Variants in PRKN observed in about 807,000 individuals in gnomAD.
PRKN encodes parkin RBR E3 ubiquitin protein ligase.
Under a neutral mutation model 59.5 loss-of-function variants are expected in PRKN, and 56 were observed. The ratio of observed to expected loss-of-function variants is 0.94; its 90% CI spans 0.76 to 1.18. The LOEUF (loss-of-function observed/expected upper bound fraction) is 1.18, where lower values mean the gene tolerates loss of function less well. Among genes scored for constraint, PRKN ranks in the 50% most tolerant of loss-of-function variants. The pLI is 0.00. For missense variants in PRKN, 657 were observed against 596.4 expected (o/e 1.10, Z -1.06); for synonymous variants, 250 against 222.1 (o/e 1.13, Z -1.12).
chr6:162,338,300 CCT>C (rs777313027), intron 2 of PRKN, among the ~76,000 whole-genome samples: 1 of 152,330 alleles, frequency 6.6e-6, no homozygotes, highest in Non-Finnish European at 1.5e-5. Flanking sequence ...CCACGGTCTC[CCT>C]CTCATGCGGA....
At chr6:162,361,156 T>G (rs1785114721) in intron 2 of PRKN, among the ~76,000 whole-genome samples, 1 of 152,034 alleles carries the variant, frequency 6.6e-6, no homozygotes. Flanking sequence ...CTTGTAAACA[T>G]CAGTCAAGTT....
intron 7 of PRKN, among the ~76,000 whole-genome samples, chr6:161,777,916 A>ATATG (rs1205458667): frequency 4.7e-5 from 7 of 148,312 alleles, no homozygotes; most frequent in African/African-American, 1.7e-4. Flanking sequence ...ATGTGTATAT[A>ATATG]TATGTATGTA....
chr6:162,589,148 C>T (rs567193939), intron 1 of PRKN, among the ~76,000 whole-genome samples: 25 of 152,256 alleles, frequency 1.6e-4, no homozygotes, highest in Non-Finnish European at 3.4e-4. Flanking sequence ...TATCTTATTA[C>T]AAATTTTAGT....
chr6:162,317,309 A>T lies in PRKN; in HGVS notation c.172-54544T>A, dbSNP rs548378540. Among the ~76,000 whole-genome samples the T allele has an allele frequency of 1.0e-3, 153 of 152,116 alleles. 1 individual carries two copies. Among genetic ancestry groups the T allele is most frequent in the African/African-American group, 3.4e-3 (141 of 41,504 alleles). On this transcript the variant is annotated intron_variant, in intron 2 of 11. Transcript: ENST00000366898. ...CCCATGGTAGTGAATAAGTCTCAAG[A>T]GATACGACTGTTTTATAAATGTGAG...
intron 6 of PRKN, among the ~76,000 whole-genome samples, chr6:161,900,624 T>C (rs1317721191): frequency 9.5e-6 from 1 of 104,784 alleles, no homozygotes; most frequent in African/African-American, 3.6e-5. Flanking sequence ...TAGTATATAC[T>C]ATAATATACT....
At chr6:161,624,238 T>C (rs1359350061) in intron 7 of PRKN, among the ~76,000 whole-genome samples, 2 of 152,208 alleles carry the variant, frequency 1.3e-5, no homozygotes, top group African/African-American at 4.8e-5. Context: ...TAAAATTCAT[T>C]AGTGGCGCCA....
chr6:162,145,277 T>C (rs1472044415), intron 4 of PRKN, among the ~76,000 whole-genome samples: 2 of 152,180 alleles, frequency 1.3e-5, no homozygotes, highest in African/African-American at 2.4e-5. Context: ...TTCGTACCAG[T>C]GTTCAAACAG....
intron 6 of PRKN, among the ~76,000 whole-genome samples, chr6:161,884,220 T>TCATGTTTTTATGTACATTAG (rs1466233979): frequency 6.6e-6 from 1 of 152,152 alleles, no homozygotes; most frequent in African/African-American, 2.4e-5. Flanking sequence ...AAGAAACAGC[T>TCATGTTTTTATGTACATTAG]CATGTTTTTA....
At chr6:162,696,858 T>TA (rs1245432256) in intron 1 of PRKN, among the ~76,000 whole-genome samples, 1 of 152,064 alleles carries the variant, frequency 6.6e-6, no homozygotes, top group East Asian at 1.9e-4. Flanking sequence ...GAAGAACTTT[T>TA]AAAAAACAAA....
rs183303972 is a variant in PRKN, at chr6:162,656,162, G to A, written c.7+71500C>T. On this transcript the variant is annotated intron_variant, in intron 1 of 11. Coordinates refer to ENST00000366898, the MANE Select transcript of PRKN (RefSeq NM_004562.3). ...TAGGTGGCATTCGCTAACAAGAGCAGTTACAGAAACATTCTCTCTACTGGC... is the reference window on the plus strand; with the variant it reads ...TAGGTGGCATTCGCTAACAAGAGCAATTACAGAAACATTCTCTCTACTGGC... Among the ~76,000 whole-genome samples the A allele has an allele frequency of 1.1e-4, 17 of 152,296 alleles. No individual in the cohort carries two copies. In the East Asian group the frequency reaches 3.1e-3, roughly 28 times the overall value.
chr6:162,723,801 T>C (rs572764241), intron 1 of PRKN, among the ~76,000 whole-genome samples: 53 of 152,356 alleles, frequency 3.5e-4, no homozygotes, highest in African/African-American at 1.1e-3. Flanking sequence ...TGAGTGCTTA[T>C]TTATTGGTAA....
intron 7 of PRKN, among the ~76,000 whole-genome samples, chr6:161,673,123 C>T (rs929342803): frequency 5.3e-5 from 8 of 152,170 alleles, no homozygotes; most frequent in African/African-American, 1.4e-4. Context: ...CGGCCCGGCA[C>T]TCCCCTGAGG....
At position 161,593,843 on chromosome 6, in the gene PRKN, G is replaced by C. The variant is rs991700688; in HGVS notation, c.872-24427C>G. ...GTCATGATGCTCAGGGGTCAAATAG[G>C]TGGAGGTGATAGAATTGACTGCTGG... On this transcript the variant is annotated intron_variant, in intron 7 of 11. Transcript: ENST00000366898. This position sits in a 1 kb window ranked among gnomAD's most constrained non-coding sequence, Gnocchi z 4.8. 2.0e-5 allele frequency among the ~76,000 whole-genome samples: 3 copies of C among 152,090 alleles called. No homozygotes were observed. The highest frequency in any genetic ancestry group is 2.0e-4 in the Admixed American group (3 of 15,270).
chr6:162,573,008 G>T (rs1374946062), intron 1 of PRKN, among the ~76,000 whole-genome samples: 1 of 152,098 alleles, frequency 6.6e-6, no homozygotes, highest in Non-Finnish European at 1.5e-5. Context: ...AATCTTAATT[G>T]CCAGACATAC....
intron 9 of PRKN, among the ~76,000 whole-genome samples, chr6:161,490,331 TGCTTGCTTTCTC>T (rs746511919): frequency 1.8e-5 from 2 of 113,532 alleles, no homozygotes; most frequent in South Asian, 3.1e-4. Flanking sequence ...CTTGCTTGCT[TGCTTGCTTTCTC>T]TCTCTCTCTC....
At chr6:162,475,970 T>TCCA (rs10660801) in intron 1 of PRKN, among the ~76,000 whole-genome samples, 1 of 151,084 alleles carries the variant, frequency 6.6e-6, no homozygotes, top group Admixed American at 6.6e-5. Context: ...CAGGATGGTC[T>TCCA]TGTTCTCACC....
At chr6:162,065,013 T>G (rs7744806) in intron 4 of PRKN, among the ~76,000 whole-genome samples, 126,697 of 152,246 alleles carry the variant, frequency 0.83, 52,911 homozygotes, top group African/African-American at 0.88. Context: ...TCTGGCAGAA[T>G]ATGGTTGAAT....
intron 2 of PRKN, among the ~76,000 whole-genome samples, chr6:162,375,137 T>A (rs1227064015): frequency 6.6e-6 from 1 of 152,148 alleles, no homozygotes; most frequent in African/African-American, 2.4e-5. Context: ...TTATAATGAC[T>A]GTCCCATTTA....
chr6:161,670,519 A>G lies in PRKN; in HGVS notation c.872-101103T>C, dbSNP rs575498087. Among the ~76,000 whole-genome samples, 121 of 152,152 alleles carry G rather than the reference A, an allele frequency of 8.0e-4. 2 individuals are homozygous for G. The South Asian group carries it at 0.024, about 30-fold the overall frequency. ...GTCTTTGTGTCCCTTCTCTTCTTAT[A>G]AAATACACCAGTCAAGCTGGGCGCA... On this transcript the variant is annotated intron_variant, in intron 7 of 11. Transcript: ENST00000366898.
Sources: gnomAD v4.1 joint callset for allele counts (sites outside exome capture counted in the v4.1 genomes callset) on GRCh38, gnomAD v4.1.1 for gene constraint, Gnocchi (gnomAD v3.1) non-coding constraint, MANE v1.5 for transcripts, NCBI Gene and HGNC (gene_info 2026-07-23, HGNC 2026-07-21) for gene names.